Variants in DCUN1D1 observed in about 807,000 individuals in gnomAD.
DCUN1D1 encodes DCN1-like protein 1.
In DCUN1D1, 3 loss-of-function variants were observed where a neutral mutation model predicts 39.0. The observed-to-expected ratio is 0.08, with a 90% CI of 0.04 to 0.20. The LOEUF is 0.20. Ranked by LOEUF, DCUN1D1 falls within the 10% of genes least tolerant of loss-of-function variation. The pLI is 1.00. For missense variants in DCUN1D1, 158 were observed against 302.4 expected, an observed-to-expected ratio of 0.52 and a Z score of 3.54; for synonymous variants, 82 against 96.3, an observed-to-expected ratio of 0.85 and a Z score of 0.87.
chr3:182,951,985 C>T (rs1026557837), intron 4 of DCUN1D1, among the ~76,000 whole-genome samples: 5 of 152,038 alleles, frequency 3.3e-5, no homozygotes, highest in African/African-American at 1.2e-4. Context: ...TGTGAGCCAC[C>T]ACGCACGTCC....
chr3:182,964,242 G>A (rs1002996993), intron 2 of DCUN1D1, among the ~76,000 whole-genome samples, 193 bp from the exon 3 acceptor site: 1 of 152,138 alleles, frequency 6.6e-6, no homozygotes, highest in African/African-American at 2.4e-5. Context: ...TTAAAGTGTA[G>A]AGATATATGC....
chr3:182,965,898 T>A (rs1727643360), intron 1 of DCUN1D1, 145 bp from the exon 2 acceptor site: 5 of 630,290 alleles, frequency 7.9e-6, no homozygotes, highest in Non-Finnish European at 1.4e-5. Context: ...TTTTGATCTA[T>A]TATTCATCAG....
At chr3:182,970,629 A>C (rs1003628426) in intron 1 of DCUN1D1, among the ~76,000 whole-genome samples, 1 of 152,220 alleles carries the variant, frequency 6.6e-6, no homozygotes, top group African/African-American at 2.4e-5. Flanking sequence ...GATTTGATGA[A>C]TCTAGCTCAC....
At chr3:182,983,514 G>A (rs143460461), upstream of DCUN1D1, among the ~76,000 whole-genome samples, 4,357 of 152,246 alleles carry the variant, frequency 0.029, 87 homozygotes, top group Non-Finnish European at 0.045. Context: ...TCAGGAGTTC[G>A]AGACCAGCCT....
At position 182,938,089 on chromosome 3, in the gene DCUN1D1, A is replaced by G. The variant is rs924312074; in HGVS notation, c.*7005T>C. On this transcript the variant is annotated 3_prime_UTR_variant, in exon 7 of 7. Transcript: ENST00000292782. The stretch of plus-strand genomic sequence containing the variant: ...GAGTTCTGGATACAAGTCACGATGT[A>G]TTTTTAAGTTAAAGGAAAATCTGTT... 6.6e-6 allele frequency: 1 copy of G among 152,160 alleles called. No individual in the cohort carries two copies. Among genetic ancestry groups the G allele is most frequent in the African/African-American group, 2.4e-5 (1 of 41,450 alleles). 9.4% of individuals were successfully genotyped at this position (152,160 alleles called of 1,614,324 possible). A position where few individuals can be genotyped will look rare whatever the true frequency, so the allele number is the denominator to read the frequency against.
At chr3:182,981,878 G>A (rs1349513975), upstream of DCUN1D1, among the ~76,000 whole-genome samples, 2 of 152,214 alleles carry the variant, frequency 1.3e-5, no homozygotes, top group East Asian at 3.8e-4. Flanking sequence ...TTTAAAGAAT[G>A]CATGTGAATG....
chr3:182,979,600 T>TCCCCC (rs1553846258), intron 1 of DCUN1D1, among the ~76,000 whole-genome samples: 1 of 137,004 alleles, frequency 7.3e-6, no homozygotes, highest in East Asian at 2.1e-4. Context: ...GAGGACTTTT[T>TCCCCC]CCCCCCCCCA....
chr3:182,984,736 C>T (rs1226854805), upstream of DCUN1D1, among the ~76,000 whole-genome samples: 1 of 152,194 alleles, frequency 6.6e-6, no homozygotes, highest in Admixed American at 6.6e-5. Flanking sequence ...ATAATATTCA[C>T]TGATAAAATA....
upstream of DCUN1D1, among the ~76,000 whole-genome samples, chr3:182,982,489 C>G (rs1459289322): frequency 6.6e-6 from 1 of 152,254 alleles, no homozygotes; most frequent in African/African-American, 2.4e-5. Context: ...TTCCTCCTGC[C>G]TTTTATCAAA....
At chr3:182,961,668 A>G (rs1727403274) in intron 3 of DCUN1D1, among the ~76,000 whole-genome samples, 1 of 152,214 alleles carries the variant, frequency 6.6e-6, no homozygotes, top group Non-Finnish European at 1.5e-5. Context: ...ATAAATAAGA[A>G]TGTATAGTAA....
intron 4 of DCUN1D1, among the ~76,000 whole-genome samples, chr3:182,959,821 G>C (rs1485262207): frequency 6.6e-6 from 1 of 152,162 alleles, no homozygotes; most frequent in Admixed American, 6.5e-5. Context: ...TTTAACTCAT[G>C]GGGGTGGATC....
chr3:182,975,851 T>TAAA (rs533263687), intron 1 of DCUN1D1, among the ~76,000 whole-genome samples: 3,476 of 66,732 alleles, frequency 0.052, 180 homozygotes, highest in Middle Eastern at 0.085. Flanking sequence ...CCAGATATGC[T>TAAA]AAAAAAAAAA....
intron 3 of DCUN1D1, among the ~76,000 whole-genome samples, chr3:182,963,641 A>T (rs1727514224): frequency 6.6e-6 from 1 of 152,232 alleles, no homozygotes; most frequent in Admixed American, 6.5e-5. Context: ...TTTTAATACT[A>T]ATGAACCTGC....
rs1030399266 is a variant in DCUN1D1, at chr3:182,944,003, C to T, written c.*1091G>A. On this transcript the variant is annotated 3_prime_UTR_variant, in exon 7 of 7. Coordinates refer to ENST00000292782, the MANE Select transcript of DCUN1D1 (RefSeq NM_020640.4). ...CAATTTCAACAAAATAATAAGTCAT[C>T]GAAAATGGACTATTTGTCTGAAAGA... The T allele has an allele frequency of 6.6e-6, 1 of 152,482 alleles. No individual in the cohort carries two copies. Among genetic ancestry groups the T allele is most frequent in the Admixed American group, 6.5e-5 (1 of 15,268 alleles). 9.4% of individuals were successfully genotyped at this position (152,482 alleles called of 1,614,324 possible).
upstream of DCUN1D1, among the ~76,000 whole-genome samples, chr3:182,981,935 A>G (rs1728567644): frequency 6.6e-6 from 1 of 152,238 alleles, no homozygotes; most frequent in African/African-American, 2.4e-5. Context: ...TGCAAGGAGA[A>G]GCCAGATCTG....
rs932146356 is a variant in DCUN1D1 at position 182,974,888 on chromosome 3, T to TTC, written c.3+5597_3+5598dup. Among the ~76,000 whole-genome samples, 257 of 152,284 alleles carry TTC rather than the reference T, an allele frequency of 1.7e-3. 1 individual carries two copies. The highest frequency in any genetic ancestry group is 6.1e-3 in the African/African-American group (252 of 41,564). The stretch of plus-strand genomic sequence containing the variant: ...AGACTATTTCAGTGATTTTTTTTCC[T>TTC]TCTGTTTTGCTTTTTCTTGTGGGGG... On this transcript the variant is annotated intron_variant, in intron 1 of 6. Coordinates refer to ENST00000292782, the MANE Select transcript of DCUN1D1 (RefSeq NM_020640.4).
chr3:182,967,548 C>A (rs1419000441), intron 1 of DCUN1D1, among the ~76,000 whole-genome samples: 2 of 152,200 alleles, frequency 1.3e-5, no homozygotes, highest in African/African-American at 4.8e-5. Context: ...ACACTCCTCT[C>A]TTTGTAAATA....
intron 2 of DCUN1D1, 64 bp downstream of exon 2, chr3:182,965,473 C>T (rs1727624427): frequency 2.9e-6 from 3 of 1,041,062 alleles, no homozygotes; most frequent in Non-Finnish European, 1.4e-6. Flanking sequence ...TTTCATTTCT[C>T]ATAAGCCCAT....
At position 182,965,736 on chromosome 3, in the gene DCUN1D1, C is replaced by T. The variant is rs754937408; in HGVS notation, c.21G>A (p.Ser7=). MNKLKS[S]QKDKVRQFMI... is the part of the protein sequence containing the mutation. ...TAAACTGACGAACTTTATCCTTCTG[C>T]GATGATTTCAACTTGTTCTATTGAA... The change falls in exon 2 of 7, where the codon TCG becomes TCA. Residue 7 remains serine, a synonymous_variant. Coordinates refer to ENST00000292782, the MANE Select transcript of DCUN1D1 (RefSeq NM_020640.4). The T allele has an allele frequency of 1.9e-5, 30 of 1,612,352 alleles. No individual in the cohort carries two copies. Among genetic ancestry groups the T allele is most frequent in the East Asian group, 1.8e-4 (8 of 44,778 alleles).
Sources: allele counts gnomAD v4.1 joint callset (sites outside exome capture counted in the v4.1 genomes callset), GRCh38; gene constraint gnomAD v4.1.1; transcripts MANE v1.5; gene names NCBI Gene and HGNC (gene_info 2026-07-23, HGNC 2026-07-21).